AKAP6: variants seen among roughly 807,000 people sequenced by gnomAD.
The protein encoded by AKAP6 is A-kinase anchoring protein 6.
In AKAP6, 58 loss-of-function variants were observed where a neutral mutation model predicts 188.5. The ratio of observed to expected loss-of-function variants is 0.31; its 90% CI spans 0.25 to 0.38. The LOEUF is 0.38. Among genes scored for constraint, AKAP6 ranks in the 10% least tolerant of loss-of-function variants. AKAP6 has a pLI of 1.00. For synonymous variants in AKAP6, 989 were observed against 998.6 expected (o/e 0.99, Z 0.18); for missense variants, 2,710 against 2,740.0 (o/e 0.99, Z 0.24).
chr14:32,502,407 T>A (rs1230066389), intron 2 of AKAP6, among the ~76,000 whole-genome samples: 1 of 152,168 alleles, frequency 6.6e-6, no homozygotes, highest in African/African-American at 2.4e-5. Flanking sequence ...CACTGCCCTT[T>A]AGCTTTAAAT....
At chr14:32,385,998 TATGTATCTA>T (rs200424640) in intron 1 of AKAP6, among the ~76,000 whole-genome samples, 23,711 of 149,898 alleles carry the variant, frequency 0.16, 2,072 homozygotes, top group East Asian at 0.39. Flanking sequence ...ATATTCATCA[TATGTATCTA>T]TATCTATATC....
rs140115978 is a variant in AKAP6, at chr14:32,388,551, A to G, written c.-34-44909A>G. On this transcript the variant is annotated intron_variant, in intron 1 of 13. Coordinates refer to ENST00000280979, the MANE Select transcript of AKAP6 (RefSeq NM_004274.5). ...ACCCAGAGGTTTGGTAGGTTGTGTC[A>G]CTATTGTCATTCAGTTTGAAGAATT... is the stretch of plus-strand genomic sequence containing the variant. Among the ~76,000 whole-genome samples, 88 of 152,124 alleles carry G rather than the reference A, an allele frequency of 5.8e-4. 2 individuals carry two copies. In the East Asian group the frequency reaches 0.012, roughly 21 times the overall value.
intron 9 of AKAP6, among the ~76,000 whole-genome samples, chr14:32,716,468 T>C (rs1210305756): frequency 6.6e-6 from 1 of 151,006 alleles, no homozygotes; most frequent in Non-Finnish European, 1.5e-5. Flanking sequence ...ATTTAGTATA[T>C]ACTATAGTAT....
intron 12 of AKAP6, among the ~76,000 whole-genome samples, chr14:32,791,076 C>T (rs1480964825): frequency 2.0e-5 from 3 of 152,132 alleles, no homozygotes; most frequent in African/African-American, 7.2e-5. Flanking sequence ...CTGCAATAAA[C>T]ATATGTGTGC....
intron 1 of AKAP6, among the ~76,000 whole-genome samples, chr14:32,357,218 A>T (rs1470577933): frequency 6.6e-6 from 1 of 152,232 alleles, no homozygotes; most frequent in Non-Finnish European, 1.5e-5. Context: ...AGAGCAAATT[A>T]ATGAGTCTCT....
intron 2 of AKAP6, among the ~76,000 whole-genome samples, chr14:32,532,316 G>GT (rs890248920): frequency 4.6e-5 from 7 of 152,122 alleles, no homozygotes; most frequent in Admixed American, 1.3e-4. Flanking sequence ...TGGGAAGGGT[G>GT]TTTTTTTCCC....
Position 32,823,530 on chromosome 14 carries a change from A to C in AKAP6, c.5717A>C (p.Gln1906Pro). Residue 1906 changes from glutamine (Q) to proline (P), a missense_variant, in exon 13 of 14, where the codon CAA becomes CCA. By Grantham distance (76) the Gln-to-Pro change is moderately conservative. Coordinates refer to ENST00000280979, the MANE Select transcript of AKAP6 (RefSeq NM_004274.5). Reference sequence around the variant, plus strand: ...AATATTGAAGGTATTCCAGAAAGGCAAAAGGGAAAACCGAATGTGACTTCA... The same window carrying C: ...AATATTGAAGGTATTCCAGAAAGGCCAAAGGGAAAACCGAATGTGACTTCA... The part of the protein sequence containing the change: ...NGNIEGIPER[Q>P]KGKPNVTSKV... The C allele has an allele frequency of 6.2e-7, 1 of 1,613,868 alleles. No homozygotes were observed. The highest frequency in any genetic ancestry group is 8.5e-7 in the Non-Finnish European group (1 of 1,179,888).
intron 1 of AKAP6, among the ~76,000 whole-genome samples, chr14:32,414,410 C>T (rs778353054): frequency 6.6e-6 from 1 of 152,136 alleles, no homozygotes; most frequent in Non-Finnish European, 1.5e-5. Flanking sequence ...AGCAGGATTT[C>T]CTGGATGTAT....
intron 12 of AKAP6, among the ~76,000 whole-genome samples, chr14:32,780,129 G>A (rs929803108): frequency 9.2e-6 from 1 of 108,406 alleles, no homozygotes; most frequent in South Asian, 2.8e-4. Context: ...TCCATTAGAT[G>A]AATGGAAAAA....
rs186306991 is a variant in AKAP6 at position 32,582,951 on chromosome 14, G to A, written c.2469+5709G>A. Among the ~76,000 whole-genome samples the A allele has an allele frequency of 4.8e-3, 733 of 152,140 alleles. 6 individuals carry two copies. The highest frequency in any genetic ancestry group is 0.017 in the African/African-American group (692 of 41,504). On this transcript the variant is annotated intron_variant, in intron 5 of 13. Transcript: ENST00000280979. ...TGGTTTGAATTTCCTCCTGTAGCTCGGAGTAGTTTGATCATCTGAAGCCTT... is the reference window on the plus strand; with the variant it reads ...TGGTTTGAATTTCCTCCTGTAGCTCAGAGTAGTTTGATCATCTGAAGCCTT...
In AKAP6 at chr14:32,435,528, G is replaced by A. The variant is rs540110701; in HGVS notation, c.324+1711G>A. Among the ~76,000 whole-genome samples, 6 of 152,296 alleles carry A rather than the reference G, an allele frequency of 3.9e-5. No individual in the cohort carries two copies. The South Asian group carries it at 1.0e-3, about 26-fold the overall frequency. On this transcript the variant is annotated intron_variant, in intron 2 of 13. Coordinates refer to ENST00000280979, the MANE Select transcript of AKAP6 (RefSeq NM_004274.5). ...TGTATGTATTTTTCTCATTGGAACTGCCTATCACGTTCTTACCTTGGTCAA... is the reference window on the plus strand; with the variant it reads ...TGTATGTATTTTTCTCATTGGAACTACCTATCACGTTCTTACCTTGGTCAA...
chr14:32,407,859 G>A (rs968868948), intron 1 of AKAP6, among the ~76,000 whole-genome samples: 2 of 152,182 alleles, frequency 1.3e-5, no homozygotes, highest in Non-Finnish European at 2.9e-5. Flanking sequence ...TACACTGGTA[G>A]GAGGAATGAA....
chr14:32,438,122 G>C (rs561309727), intron 2 of AKAP6, among the ~76,000 whole-genome samples: 1 of 152,272 alleles, frequency 6.6e-6, no homozygotes, highest in East Asian at 1.9e-4. Context: ...CATAAGGAAG[G>C]CTGCTCAATG....
At chr14:32,571,312 C>T (rs1884475741) in intron 4 of AKAP6, among the ~76,000 whole-genome samples, 1 of 151,626 alleles carries the variant, frequency 6.6e-6, no homozygotes, top group Admixed American at 6.6e-5. Context: ...ACACTTGAGG[C>T]CAGGAATTTG....
intron 1 of AKAP6, among the ~76,000 whole-genome samples, chr14:32,339,702 A>G (rs887315745): frequency 3.3e-5 from 5 of 152,172 alleles, no homozygotes; most frequent in African/African-American, 1.2e-4. Context: ...GGAGAGTGAT[A>G]AGCCATGACA....
intron 5 of AKAP6, among the ~76,000 whole-genome samples, chr14:32,582,577 A>C (rs927339334): frequency 1.3e-5 from 2 of 152,178 alleles, no homozygotes; most frequent in Non-Finnish European, 2.9e-5. Flanking sequence ...AATATCCTGC[A>C]GAGTGTTTTC....
At chr14:32,447,349 G>A (rs1890788968) in intron 2 of AKAP6, among the ~76,000 whole-genome samples, 1 of 152,056 alleles carries the variant, frequency 6.6e-6, no homozygotes, top group African/African-American at 2.4e-5. Flanking sequence ...TCAACTAATT[G>A]ACTGAATCCT....
At chr14:32,738,640 T>C (rs1337647699) in intron 11 of AKAP6, among the ~76,000 whole-genome samples, 4 of 152,148 alleles carry the variant, frequency 2.6e-5, no homozygotes, top group Non-Finnish European at 5.9e-5. Flanking sequence ...AAAGGTAATG[T>C]GACTCATTTG....
chr14:32,617,472 C>A (rs1007125878), intron 7 of AKAP6, among the ~76,000 whole-genome samples: 19 of 152,176 alleles, frequency 1.2e-4, no homozygotes, highest in African/African-American at 4.6e-4. Flanking sequence ...CTGCATTCTT[C>A]TTAAGGTGGG....
Sources: gnomAD v4.1 joint callset for allele counts (sites outside exome capture counted in the v4.1 genomes callset) on GRCh38, gnomAD v4.1.1 for gene constraint, MANE v1.5 for transcripts, NCBI Gene and HGNC (gene_info 2026-07-23, HGNC 2026-07-21) for gene names.